Variants in CADM2 observed in about 807,000 individuals in gnomAD.
CADM2 encodes the protein cell adhesion molecule 2.
CADM2 carries 12 observed loss-of-function variants against 49.8 expected under a neutral mutation model. That is an observed-to-expected ratio of 0.24 (90% CI 0.15 to 0.39). The LOEUF (loss-of-function observed/expected upper bound fraction) is 0.39. CADM2 is among the 10% of genes least tolerant of loss of function. The probability of loss-of-function intolerance (pLI) is 1.00; values close to 1 mark genes in which losing one functional copy is unlikely to be tolerated. For missense variants in CADM2, 378 were observed against 492.3 expected (o/e 0.77, Z 2.20); for synonymous variants, 214 against 175.4 (o/e 1.22, Z -1.74).
At chr3:85,103,097 C>T (rs1219485930) in intron 1 of CADM2, among the ~76,000 whole-genome samples, 5 of 152,026 alleles carry the variant, frequency 3.3e-5, no homozygotes, top group African/African-American at 9.7e-5. Context: ...AAAGCAATTA[C>T]AGTGAATAAG....
At chr3:85,583,397 G>T (rs1200499817) in intron 1 of CADM2, among the ~76,000 whole-genome samples, 2 of 151,980 alleles carry the variant, frequency 1.3e-5, no homozygotes, top group Non-Finnish European at 2.9e-5. Flanking sequence ...CTTTTTTTCT[G>T]GAAACGACTG....
At chr3:85,333,274 T>TA (rs1257952024) in intron 1 of CADM2, among the ~76,000 whole-genome samples, 1 of 151,786 alleles carries the variant, frequency 6.6e-6, no homozygotes, top group African/African-American at 2.4e-5. Flanking sequence ...TCTTAATTAC[T>TA]AAAAAATCTA....
At chr3:85,038,155 T>C (rs1408657420) in intron 1 of CADM2, among the ~76,000 whole-genome samples, 1 of 152,138 alleles carries the variant, frequency 6.6e-6, no homozygotes, top group African/African-American at 2.4e-5. Flanking sequence ...AAAATTCAGT[T>C]CAATTTCAGT....
intron 1 of CADM2, among the ~76,000 whole-genome samples, chr3:85,562,401 C>T (rs1462677257): frequency 7.0e-6 from 1 of 143,708 alleles, no homozygotes. Flanking sequence ...CCACTTGAAC[C>T]CGGGAGGCAG....
At chr3:85,022,104 T>C (rs1353539870) in intron 1 of CADM2, among the ~76,000 whole-genome samples, 1 of 152,166 alleles carries the variant, frequency 6.6e-6, no homozygotes, top group Non-Finnish European at 1.5e-5. Context: ...CAGGGGCTCA[T>C]AGATATTAGA....
intron 1 of CADM2, among the ~76,000 whole-genome samples, chr3:85,546,056 A>G (rs188548373): frequency 1.3e-5 from 2 of 152,268 alleles, no homozygotes; most frequent in Admixed American, 1.3e-4. Context: ...AATATACCTG[A>G]CCATGGCAGC....
At chr3:85,193,139 A>G (rs2041249341) in intron 1 of CADM2, among the ~76,000 whole-genome samples, 1 of 152,092 alleles carries the variant, frequency 6.6e-6, no homozygotes, top group Non-Finnish European at 1.5e-5. Flanking sequence ...ACAGAAAAGT[A>G]TTAAAATATA....
At chr3:85,707,184 T>C (rs1431753300) in intron 1 of CADM2, among the ~76,000 whole-genome samples, 1 of 151,996 alleles carries the variant, frequency 6.6e-6, no homozygotes, top group African/African-American at 2.4e-5. Context: ...TTATCTATGA[T>C]TCTTTACCAA....
At chr3:85,658,140 C>T (rs778716424) in intron 1 of CADM2, among the ~76,000 whole-genome samples, 3 of 151,922 alleles carry the variant, frequency 2.0e-5, no homozygotes, top group Non-Finnish European at 2.9e-5. Context: ...TCCATTCACA[C>T]AGGAAGCAAT....
intron 1 of CADM2, among the ~76,000 whole-genome samples, chr3:85,430,918 C>T (rs894692177): frequency 1.3e-5 from 2 of 152,008 alleles, no homozygotes; most frequent in African/African-American, 4.8e-5. Context: ...GGTGATGCTT[C>T]CTCAAACATA....
chr3:85,049,403 T>C (rs1409422332), intron 1 of CADM2, among the ~76,000 whole-genome samples: 1 of 151,888 alleles, frequency 6.6e-6, no homozygotes, highest in East Asian at 1.9e-4. Context: ...CAGGCTGGAG[T>C]GCAATGATGC....
rs572092209 is a variant in CADM2, at chr3:85,588,426, G to A, written c.62-138096G>A. 1.4e-4 allele frequency among the ~76,000 whole-genome samples: 21 copies of A among 152,122 alleles called. No homozygotes were observed. The South Asian group carries it at 3.3e-3, about 24-fold the overall frequency. ...TTATGATACAGTGTTGCAAAAGGGA[G>A]GAATGCAAGCAAGCAGCAATAAGAG... On this transcript the variant is annotated intron_variant, in intron 1 of 9. Transcript: ENST00000383699.
intron 5 of CADM2, among the ~76,000 whole-genome samples, chr3:85,912,068 C>T (rs142341305): frequency 0.034 from 5,096 of 151,906 alleles, 274 homozygotes; most frequent in African/African-American, 0.11. Context: ...CTCAGCCTCC[C>T]GAGTAGCTGG....
chr3:85,824,200 A>G (rs1254609515), intron 3 of CADM2, among the ~76,000 whole-genome samples: 2 of 152,300 alleles, frequency 1.3e-5, no homozygotes, highest in East Asian at 3.9e-4. Flanking sequence ...CACATTTTAC[A>G]TACAAGAATA....
At chr3:85,793,792 A>C (rs899299980) in intron 2 of CADM2, among the ~76,000 whole-genome samples, 1 of 152,196 alleles carries the variant, frequency 6.6e-6, no homozygotes, top group African/African-American at 2.4e-5. Flanking sequence ...TTTTGCTTTT[A>C]TCACAGTTGT....
At chr3:85,007,825 A>T (rs1318042712) in intron 1 of CADM2, among the ~76,000 whole-genome samples, 4 of 152,176 alleles carry the variant, frequency 2.6e-5, no homozygotes, top group Admixed American at 6.5e-5. Context: ...GCCATTAGTG[A>T]TGTTAATTTC....
chr3:85,674,132 G>A lies in CADM2; in HGVS notation c.62-52390G>A, dbSNP rs980609224. 9.9e-5 allele frequency among the ~76,000 whole-genome samples: 15 copies of A among 152,198 alleles called. No individual in the cohort carries two copies. The East Asian group carries it at 2.9e-3, about 29-fold the overall frequency. ...CAGCACTTGTGAGGATTACATTTTA[G>A]TAGGTCTGACAGATATTAGTTAAAA... is the stretch of plus-strand genomic sequence containing the variant. On this transcript the variant is annotated intron_variant, in intron 1 of 9. Transcript: ENST00000383699.
chr3:85,984,441 A>G (rs1465164360), intron 8 of CADM2, among the ~76,000 whole-genome samples: 1 of 151,584 alleles, frequency 6.6e-6, no homozygotes. Flanking sequence ...GATGATGTTA[A>G]CTTATTTCAA....
intron 1 of CADM2, among the ~76,000 whole-genome samples, chr3:85,368,904 A>G (rs2032994640): frequency 6.6e-6 from 1 of 152,164 alleles, no homozygotes; most frequent in South Asian, 2.1e-4. Context: ...TTGAGGATGT[A>G]GTACAATCCC....
Sources: allele counts gnomAD v4.1 joint callset (sites outside exome capture counted in the v4.1 genomes callset), GRCh38; gene constraint gnomAD v4.1.1; transcripts MANE v1.5; gene names NCBI Gene and HGNC (gene_info 2026-07-23, HGNC 2026-07-21).